The following ANTXRL variants were observed in gnomAD, a reference collection of about 807,000 sequenced individuals.
ANTXRL encodes the protein anthrax toxin receptor-like.
In ANTXRL, 63 loss-of-function variants were observed where a neutral mutation model predicts 75.4. That is an observed-to-expected ratio of 0.84 (90% CI 0.68 to 1.03). The LOEUF (loss-of-function observed/expected upper bound fraction) is 1.03, where lower values mean the gene tolerates loss of function less well. ANTXRL is among the 50% of genes least tolerant of loss of function. The pLI, the probability that ANTXRL is intolerant of heterozygous loss-of-function variation, is 0.00. For missense variants in ANTXRL, 797 were observed against 789.4 expected, an observed-to-expected ratio of 1.01 and a Z score of -0.12; for synonymous variants, 335 against 291.3, an observed-to-expected ratio of 1.15 and a Z score of -1.53.
chr10:46,313,215 C>T (rs1274846353), intron 15 of ANTXRL, 21 bp from the exon 16 acceptor site: 2 of 1,534,546 alleles, frequency 1.3e-6, no homozygotes, highest in African/African-American at 2.7e-5. Flanking sequence ...ATGTCTTCCT[C>T]ATGGCCACGT....
intron 14 of ANTXRL, among the ~76,000 whole-genome samples, chr10:46,310,831 G>A (rs1838377927): frequency 6.6e-6 from 1 of 152,152 alleles, no homozygotes; most frequent in African/African-American, 2.4e-5. Flanking sequence ...TCTGGAAAAG[G>A]AGCCCCGTGT....
intron 2 of ANTXRL, among the ~76,000 whole-genome samples, chr10:46,292,371 C>T (rs1837029477): frequency 6.6e-6 from 1 of 152,040 alleles, no homozygotes; most frequent in Admixed American, 6.6e-5. Context: ...GCAGTTTGCC[C>T]TTGGGGACAT....
chr10:46,287,212 C>A lies in ANTXRL; in HGVS notation c.-51C>A. On this transcript the variant is annotated 5_prime_UTR_variant, in exon 1 of 17. Coordinates refer to ENST00000620264, the MANE Select transcript of ANTXRL (RefSeq NM_001278688.3). ...GGGGCCTGTGCTCAGCCTCTCTGGG[C>A]CCTGGCACAGGCACCCAAGAGTGAG... 1 of 1,524,302 alleles carries A rather than the reference C, an allele frequency of 6.6e-7. No individual in the cohort carries two copies. The highest frequency in any genetic ancestry group is 8.8e-7 in the Non-Finnish European group (1 of 1,142,004). The allele number at this position is 1,524,302 out of a possible 1,614,324, so 94.4% of individuals were successfully genotyped here. A position where few individuals can be genotyped will look rare whatever the true frequency, so the allele number is the denominator to read the frequency against.
intron 16 of ANTXRL, among the ~76,000 whole-genome samples, chr10:46,316,461 C>T (rs1215926617): frequency 2.6e-4 from 40 of 152,236 alleles, no homozygotes; most frequent in Non-Finnish European, 5.3e-4. Context: ...CAACCTGGCT[C>T]CAGGTCCTTA....
chr10:46,292,123 T>A lies in ANTXRL; in HGVS notation c.314T>A (p.Phe105Tyr). 2 of 1,536,148 alleles carry A rather than the reference T, an allele frequency of 1.3e-6. No homozygotes were observed. Among genetic ancestry groups the A allele is most frequent in the Non-Finnish European group, 1.7e-6 (2 of 1,146,758 alleles). ...TGGGTGGAGGAAACAGTGGCGAGGT[T>A]CCAAAGGTACAGATCTCTGCATGGC... The part of the protein sequence containing the change: ...YMWVEETVAR[F>Y]QSPNIRMCFI... Residue 105 changes from phenylalanine (F) to tyrosine (Y), a missense_variant, in exon 2 of 17, where the codon TTC (phenylalanine) becomes TAC (tyrosine). By Grantham distance (22) the Phe-to-Tyr change is conservative. This residue lies in a region of ANTXRL where 262 missense variants were observed against 271.9 expected (regional missense o/e 0.96). Coordinates refer to ENST00000620264, the MANE Select transcript of ANTXRL (RefSeq NM_001278688.3).
rs140763691 is a variant in ANTXRL at position 46,296,730 on chromosome 10, G to A, written c.508+478G>A. 2.6e-4 allele frequency among the ~76,000 whole-genome samples: 40 copies of A among 152,288 alleles called. 1 individual carries two copies. Among genetic ancestry groups the A allele is most frequent in the African/African-American group, 9.2e-4 (38 of 41,530 alleles). Reference sequence around the variant, plus strand: ...CAGGGCTGGAGAGGAAAGGCGTTGAGGTGGCTGTGGGGTCCCCTGCCCAGG... The same window carrying A: ...CAGGGCTGGAGAGGAAAGGCGTTGAAGTGGCTGTGGGGTCCCCTGCCCAGG... On this transcript the variant is annotated intron_variant, in intron 5 of 16. Transcript: ENST00000620264.
rs141116331 is a variant in ANTXRL, at chr10:46,321,285, G to A, written c.1410+7969G>A. On this transcript the variant is annotated intron_variant, in intron 16 of 16. Coordinates refer to ENST00000620264, the MANE Select transcript of ANTXRL (RefSeq NM_001278688.3). ...GAAAAGGAAAGGATTAGGACAGCAGGAGATGAGGGGAAAAGACAAAAACTT... is the reference window on the plus strand; with the variant it reads ...GAAAAGGAAAGGATTAGGACAGCAGAAGATGAGGGGAAAAGACAAAAACTT... Among the ~76,000 whole-genome samples, 5 of 152,326 alleles carry A rather than the reference G, an allele frequency of 3.3e-5. No homozygotes were observed. The East Asian group carries it at 9.6e-4, about 29-fold the overall frequency.
At chr10:46,296,409 A>G (rs1408495139) in intron 5 of ANTXRL, among the ~76,000 whole-genome samples, 157 bp downstream of exon 5, 1 of 152,140 alleles carries the variant, frequency 6.6e-6, no homozygotes, top group Non-Finnish European at 1.5e-5. Flanking sequence ...TCCCTGGTGC[A>G]ATGAGCATAG....
intron 16 of ANTXRL, among the ~76,000 whole-genome samples, chr10:46,326,301 G>T (rs1554966481): frequency 6.6e-6 from 1 of 152,032 alleles, no homozygotes; most frequent in African/African-American, 2.4e-5. Flanking sequence ...GAAATGAGTG[G>T]ACAGCAGTCA....
chr10:46,293,528 T>C (rs1305517610), intron 2 of ANTXRL, among the ~76,000 whole-genome samples: 1 of 145,572 alleles, frequency 6.9e-6, no homozygotes, highest in African/African-American at 2.6e-5. Flanking sequence ...TGTGCCTCTG[T>C]GTGTGCATGT....
chr10:46,323,656 A>C (rs549440056), intron 16 of ANTXRL, among the ~76,000 whole-genome samples: 2 of 152,272 alleles, frequency 1.3e-5, no homozygotes, highest in African/African-American at 4.8e-5. Context: ...ACTGGGTCTA[A>C]TTGCAGACTG....
chr10:46,293,551 G>A (rs1181279721), intron 2 of ANTXRL, among the ~76,000 whole-genome samples: 6 of 127,380 alleles, frequency 4.7e-5, no homozygotes, highest in African/African-American at 1.8e-4. Context: ...GTGCATATGT[G>A]TGTGAGTGTG....
chr10:46,325,450 T>C (rs1160313816), intron 16 of ANTXRL, among the ~76,000 whole-genome samples: 1 of 152,148 alleles, frequency 6.6e-6, no homozygotes, highest in African/African-American at 2.4e-5. Flanking sequence ...GTTAGCCTTT[T>C]GGGTTTTTTC....
rs75210529 is a variant in ANTXRL, at chr10:46,310,482, G to A, written c.1156G>A (p.Val386Met). 8,981 of 1,536,208 alleles carry A rather than the reference G, an allele frequency of 5.8e-3. 42 individuals carry two copies. Among genetic ancestry groups the A allele is most frequent in the South Asian group, 7.5e-3 (627 of 84,036 alleles). The change falls in exon 14 of 17, where the codon GTG (valine) becomes ATG (methionine). Residue 386 changes from valine (V) to methionine (M), a missense_variant. Physicochemically the swap from Val to Met is conservative, Grantham distance 21. This residue lies in a region of ANTXRL where 479 missense variants were observed against 422.0 expected (regional missense o/e 1.14). Transcript: ENST00000620264. ...CTAGACTGTCAAGGAGCCACCACCT[G>A]TGCAGAAGCCAGAAAAGGTAAGTTG... ...RKQTVKEPPP[V>M]QKPEKEPEQE...
chr10:46,310,616 CAG>C, intron 14 of ANTXRL, 117 bp downstream of exon 14: 2 of 1,107,616 alleles, frequency 1.8e-6, no homozygotes, highest in Admixed American at 2.0e-5. Context: ...GAGAAGTTGA[CAG>C]AGGGGCAGAA....
rs1272173912 is a variant in ANTXRL at position 46,306,863 on chromosome 10, A to T, written c.956A>T (p.Lys319Ile). 2 of 1,530,174 alleles carry T rather than the reference A, an allele frequency of 1.3e-6. No homozygotes were observed. Among genetic ancestry groups the T allele is most frequent in the African/African-American group, 2.7e-5 (2 of 72,736 alleles). The allele number at this position is 1,530,174 out of a possible 1,614,324, so 94.8% of individuals were successfully genotyped here. A position where few individuals can be genotyped will look rare whatever the true frequency, so the allele number is the denominator to read the frequency against. Reference sequence around the variant, plus strand: ...AATTGCCCTGGGCCAAAACTAGAAAAACCTGGAGAGTAAGTGCCCCTGGCA... The same window carrying T: ...AATTGCCCTGGGCCAAAACTAGAAATACCTGGAGAGTAAGTGCCCCTGGCA... Reference protein sequence around the residue: ...SMNCPGPKLEKPGEEYSIEVS... With the variant: ...SMNCPGPKLEIPGEEYSIEVS... The change falls in exon 11 of 17, where the codon AAA becomes ATA. Residue 319 changes from lysine to isoleucine, a missense_variant. By Grantham distance (102) the Lys-to-Ile change is moderately radical (BLOSUM62 -3). Coordinates refer to ENST00000620264, the MANE Select transcript of ANTXRL (RefSeq NM_001278688.3).
intron 10 of ANTXRL, among the ~76,000 whole-genome samples, chr10:46,304,981 C>A (rs1837986023): frequency 6.6e-6 from 1 of 152,210 alleles, no homozygotes; most frequent in Non-Finnish European, 1.5e-5. Context: ...CATGCCACAG[C>A]TGTGAGCACC....
At chr10:46,310,621 G>T in intron 14 of ANTXRL, 122 bp downstream of exon 14, 1 of 1,057,740 alleles carries the variant, frequency 9.5e-7, no homozygotes, top group East Asian at 2.6e-5. Context: ...GTTGACAGAG[G>T]GGCAGAATGG....
At chr10:46,293,951 G>A (rs1293208188) in intron 3 of ANTXRL, 51 bp downstream of exon 3, 145 of 1,494,042 alleles carry the variant, frequency 9.7e-5, no homozygotes, top group Non-Finnish European at 1.3e-4. Context: ...TTGGCCAGAG[G>A]GAGCTCCAGG....
Sources: gnomAD v4.1 joint callset for allele counts (sites outside exome capture counted in the v4.1 genomes callset) on GRCh38, gnomAD v4.1.1 for gene constraint, gnomAD v4.1.1 regional missense constraint, MANE v1.5 for transcripts, NCBI Gene and HGNC (gene_info 2026-07-23, HGNC 2026-07-21) for gene names.